Variants in PUDP observed in about 807,000 individuals in gnomAD.
The protein encoded by PUDP is pseudouridine 5'-phosphatase.
In PUDP, 8 loss-of-function variants were observed where a neutral mutation model predicts 9.4. The ratio of observed to expected loss-of-function variants is 0.85; its 90% CI spans 0.50 to 1.53. The LOEUF is 1.53. Ranked by LOEUF, PUDP falls within the 40% of genes most tolerant of loss-of-function variation. The probability of loss-of-function intolerance (pLI) is 0.00; values close to 1 mark genes in which losing one functional copy is unlikely to be tolerated. For synonymous variants in PUDP, 99 were observed against 80.7 expected, an observed-to-expected ratio of 1.23 and a Z score of -1.22; for missense variants, 188 against 189.7, an observed-to-expected ratio of 0.99 and a Z score of 0.05.
At chrX:6,836,111 C>T (rs1347576747) in intron 3 of PUDP, among the ~76,000 whole-genome samples, 1 of 111,406 alleles carries the variant, frequency 9.0e-6, no homozygotes, top group East Asian at 2.8e-4. Context: ...TCTAATAATA[C>T]TATTTTAAAA....
At chrX:6,855,760 C>T (rs908864669) in intron 3 of PUDP, among the ~76,000 whole-genome samples, 1 of 111,632 alleles carries the variant, frequency 9.0e-6, no homozygotes, top group African/African-American at 3.3e-5. Context: ...AGTGTCTTAC[C>T]GCCAAGGTTT....
chrX:6,864,312 A>C (rs781477852), intron 3 of PUDP, among the ~76,000 whole-genome samples: 5 of 112,206 alleles, frequency 4.5e-5, no homozygotes, highest in Non-Finnish European at 7.5e-5. Context: ...ACATTCTGAA[A>C]AAGTGAAATT....
chrX:7,063,049 T>G (rs1345887078), intron 3 of PUDP, among the ~76,000 whole-genome samples: 1 of 110,829 alleles, frequency 9.0e-6, no homozygotes, highest in Non-Finnish European at 1.9e-5. Flanking sequence ...TGTCATTCTT[T>G]GAAACTGCTG....
At chrX:7,075,882 AG>A (rs1162134411) in intron 3 of PUDP, among the ~76,000 whole-genome samples, 1 of 111,803 alleles carries the variant, frequency 8.9e-6, no homozygotes, top group Non-Finnish European at 1.9e-5. Flanking sequence ...TTAGACCTGA[AG>A]AGAGGATTGC....
intron 1 of PUDP, among the ~76,000 whole-genome samples, chrX:7,011,312 A>T (rs775686428): frequency 8.9e-6 from 1 of 111,756 alleles, no homozygotes; most frequent in East Asian, 2.8e-4. Flanking sequence ...ATCAGTTAGG[A>T]AGTAGCCCAC....
At chrX:7,147,964 G>A in intron 1 of PUDP, 89 bp downstream of exon 1, 1 of 704,314 alleles carries the variant, frequency 1.4e-6, no homozygotes, top group Non-Finnish European at 2.1e-6. Context: ...CCCCGCCGCG[G>A]CCCCCAGGCC....
chrX:7,003,268 C>A (rs1198766964), intron 1 of PUDP, among the ~76,000 whole-genome samples: 1 of 110,927 alleles, frequency 9.0e-6, no homozygotes, highest in East Asian at 2.8e-4. Flanking sequence ...TAAAGAAAAG[C>A]CAGAGAATGA....
At chrX:7,102,317 C>CAAAAAAAA (rs201420593) in intron 2 of PUDP, among the ~76,000 whole-genome samples, 4 of 56,648 alleles carry the variant, frequency 7.1e-5, no homozygotes, top group Non-Finnish European at 1.0e-4. Flanking sequence ...AATAAGGAAC[C>CAAAAAAAA]AAAAAAAAAA....
chrX:6,892,872 C>T (rs1293740144), intron 3 of PUDP, among the ~76,000 whole-genome samples: 1 of 111,776 alleles, frequency 8.9e-6, no homozygotes, highest in Non-Finnish European at 1.9e-5. Flanking sequence ...GGAGCCCTCA[C>T]CAGAAACCAA....
At chrX:6,889,616 T>C (rs1456029963) in intron 3 of PUDP, among the ~76,000 whole-genome samples, 4 of 111,953 alleles carry the variant, frequency 3.6e-5, no homozygotes, top group African/African-American at 1.3e-4. Flanking sequence ...GATTGATGAA[T>C]GAATAAAGTA....
At chrX:6,789,216 G>T (rs1695944810) in intron 3 of PUDP, among the ~76,000 whole-genome samples, 1 of 110,792 alleles carries the variant, frequency 9.0e-6, no homozygotes, top group Non-Finnish European at 1.9e-5. Context: ...CTTGAACCCA[G>T]GAGGTAGAGG....
chrX:6,924,427 G>A (rs1363787956), intron 3 of PUDP, among the ~76,000 whole-genome samples: 1 of 112,268 alleles, frequency 8.9e-6, no homozygotes, highest in Non-Finnish European at 1.9e-5. Flanking sequence ...GCTACAGGTC[G>A]AGTATCCTTT....
intron 3 of PUDP, among the ~76,000 whole-genome samples, chrX:6,965,166 G>A (rs1928763647): frequency 8.9e-6 from 1 of 111,992 alleles, no homozygotes; most frequent in South Asian, 3.8e-4. Flanking sequence ...TGTCGTAAGT[G>A]CTCTTCCATG....
chrX:6,881,709 A>G (rs1000119346), intron 3 of PUDP, among the ~76,000 whole-genome samples: 11 of 111,115 alleles, frequency 9.9e-5, no homozygotes, highest in Non-Finnish European at 2.1e-4. Flanking sequence ...CCTGGGTTTA[A>G]GTATATTAAT....
intron 3 of PUDP, among the ~76,000 whole-genome samples, chrX:6,861,787 C>T (rs1355941519): frequency 1.8e-5 from 2 of 111,050 alleles, no homozygotes; most frequent in African/African-American, 6.6e-5. Context: ...TAAGTAGGGG[C>T]TTAGTCACTC....
At chrX:7,103,088 A>G (rs1245322659) in intron 2 of PUDP, among the ~76,000 whole-genome samples, 10 of 111,838 alleles carry the variant, frequency 8.9e-5, no homozygotes, top group Admixed American at 1.9e-4. Flanking sequence ...AATTCATAAA[A>G]AATCTCAAGG....
chrX:7,057,551 T>C, intron 3 of PUDP: 1 of 852,317 alleles, frequency 1.2e-6, no homozygotes, highest in Admixed American at 3.9e-5. Context: ...GAGAAGCTGA[T>C]TCTCATGTTT....
At chrX:7,007,252 C>G (rs1327933724) in intron 1 of PUDP, among the ~76,000 whole-genome samples, 1 of 111,257 alleles carries the variant, frequency 9.0e-6, no homozygotes, top group African/African-American at 3.3e-5. Context: ...AATGAGGAGT[C>G]TGGTGTCTCA....
intron 3 of PUDP, among the ~76,000 whole-genome samples, chrX:6,758,729 C>T (rs930168049): frequency 9.0e-6 from 1 of 111,298 alleles, no homozygotes; most frequent in Non-Finnish European, 1.9e-5. Flanking sequence ...AACCAACTGG[C>T]TCTGAATCAG....
Sources: gnomAD v4.1 joint callset for allele counts (sites outside exome capture counted in the v4.1 genomes callset) on GRCh38, gnomAD v4.1.1 for gene constraint, MANE v1.5 for transcripts, NCBI Gene and HGNC (gene_info 2026-07-23, HGNC 2026-07-21) for gene names.